Variants in SEPTIN11 observed in about 807,000 individuals in gnomAD.
SEPTIN11 encodes septin 11, also known as septin-11.
SEPTIN11 carries 25 observed loss-of-function variants against 51.4 expected under a neutral mutation model. That is an observed-to-expected ratio of 0.49 (90% CI 0.35 to 0.68). The LOEUF (loss-of-function observed/expected upper bound fraction) is 0.68. Among genes scored for constraint, SEPTIN11 ranks in the 30% least tolerant of loss-of-function variants. The pLI is 0.00. For missense variants in SEPTIN11, 381 were observed against 520.8 expected, an observed-to-expected ratio of 0.73 and a Z score of 2.61; for synonymous variants, 174 against 184.1, an observed-to-expected ratio of 0.95 and a Z score of 0.44.
In SEPTIN11 at chr4:77,019,178, T is replaced by G. The variant is rs1409958373; in HGVS notation, c.701T>G (p.Phe234Cys). The G allele has an allele frequency of 6.2e-7, 1 of 1,613,220 alleles. No individual in the cohort carries two copies. Among genetic ancestry groups the G allele is most frequent in the East Asian group, 2.2e-5 (1 of 44,864 alleles). The change falls in exon 6 of 10, where the codon TTT becomes TGT. Residue 234 changes from phenylalanine (F) to cysteine (C), a missense_variant. By Grantham distance (205) the Phe-to-Cys change is radical. Around this residue, in one of 2 missense-constraint regions of SEPTIN11, gnomAD observed 197 missense variants for 313.1 expected, o/e 0.63. Transcript: ENST00000264893. ...INATMSVHLP[F>C]AVVGSTEEVK... ...TTTGCTTGGCAGGTCCATCTCCCAT[T>G]TGCAGTGGTTGGCAGCACCGAAGAG...
intron 1 of SEPTIN11, among the ~76,000 whole-genome samples, chr4:76,969,083 A>G (rs1228955445): frequency 1.3e-5 from 2 of 152,318 alleles, no homozygotes; most frequent in Non-Finnish European, 2.9e-5. Context: ...CCTTGAAGAA[A>G]AGACTCCCTA....
chr4:76,979,232 G>C (rs1477580708), intron 1 of SEPTIN11, among the ~76,000 whole-genome samples: 1 of 152,230 alleles, frequency 6.6e-6, no homozygotes, highest in Non-Finnish European at 1.5e-5. Context: ...CTAGATGCAA[G>C]ATGTGACCAA....
At chr4:76,967,889 A>C (rs1722094001) in intron 1 of SEPTIN11, among the ~76,000 whole-genome samples, 1 of 152,210 alleles carries the variant, frequency 6.6e-6, no homozygotes, top group Non-Finnish European at 1.5e-5. Context: ...GGTTGAGGAC[A>C]ACATCAACAT....
At chr4:76,960,554 C>T (rs2645687) in intron 1 of SEPTIN11, among the ~76,000 whole-genome samples, 134,644 of 152,242 alleles carry the variant, frequency 0.88, 59,914 homozygotes, top group African/African-American at 0.97. Flanking sequence ...CAAGTCTAAA[C>T]TGGATTTTAT....
intron 2 of SEPTIN11, among the ~76,000 whole-genome samples, chr4:77,001,639 C>T (rs1010813339): frequency 1.3e-5 from 2 of 152,160 alleles, no homozygotes; most frequent in Non-Finnish European, 2.9e-5. Flanking sequence ...CGTGAGCCAC[C>T]GTGCCTGGCC....
At chr4:76,950,311 G>A (rs1721274804) in intron 1 of SEPTIN11, among the ~76,000 whole-genome samples, 1 of 152,208 alleles carries the variant, frequency 6.6e-6, no homozygotes, top group African/African-American at 2.4e-5. Flanking sequence ...AGTCTCCCCC[G>A]CGCCGAGGGG....
intron 1 of SEPTIN11, among the ~76,000 whole-genome samples, chr4:76,955,673 T>C (rs1231985456): frequency 2.0e-5 from 3 of 152,212 alleles, no homozygotes; most frequent in African/African-American, 7.2e-5. Context: ...TTCTTCAGGA[T>C]TCAATAGGAG....
chr4:76,957,254 C>A (rs1560691738), intron 1 of SEPTIN11, among the ~76,000 whole-genome samples: 1 of 152,076 alleles, frequency 6.6e-6, no homozygotes. Flanking sequence ...TCCCTTGGGA[C>A]CTCGGCCCTT....
At chr4:76,972,731 T>C (rs894267992) in intron 1 of SEPTIN11, 1 of 152,238 alleles carries the variant, frequency 6.6e-6, no homozygotes, top group Non-Finnish European at 1.5e-5. Flanking sequence ...TATCCCATTT[T>C]AGTACTCCTT....
intron 1 of SEPTIN11, chr4:76,995,709 C>G (rs1723666585): frequency 7.8e-7 from 1 of 1,286,064 alleles, no homozygotes; most frequent in Non-Finnish European, 1.0e-6. Context: ...CATAAATCAC[C>G]CAGTGATTTT....
intron 1 of SEPTIN11, among the ~76,000 whole-genome samples, chr4:76,990,066 G>A (rs922002416): frequency 6.6e-6 from 1 of 152,076 alleles, no homozygotes; most frequent in East Asian, 1.9e-4. Context: ...GCGGGTTGCC[G>A]CTGCTGGCTT....
At chr4:76,979,909 G>C (rs906587065) in intron 1 of SEPTIN11, among the ~76,000 whole-genome samples, 3 of 152,050 alleles carry the variant, frequency 2.0e-5, no homozygotes, top group African/African-American at 7.2e-5. Flanking sequence ...CTGATGGCTG[G>C]AGTGGAAGGA....
intron 1 of SEPTIN11, among the ~76,000 whole-genome samples, chr4:76,981,069 G>GCC (rs2109915246): frequency 6.6e-6 from 1 of 152,338 alleles, no homozygotes; most frequent in African/African-American, 2.4e-5. Context: ...AGTCTGGGCT[G>GCC]CTGACCCAAA....
chr4:77,035,648 G>A lies in SEPTIN11; in HGVS notation c.*1136G>A. 1.0e-6 allele frequency: 1 copy of A among 985,666 alleles called. No individual in the cohort carries two copies. The highest frequency in any genetic ancestry group is 1.2e-6 in the Non-Finnish European group (1 of 829,904). 61.1% of individuals were successfully genotyped at this position (985,666 alleles called of 1,614,324 possible). A position where few individuals can be genotyped will look rare whatever the true frequency, so the allele number is the denominator to read the frequency against. On this transcript the variant is annotated 3_prime_UTR_variant, in exon 10 of 10. Transcript: ENST00000264893. ...TTTCAGTATTTGGCAATAAAAGAAA[G>A]AAGAAATAGAACAGCTGAAGTCTCA...
chr4:77,038,944 C>T (rs558812026), downstream of SEPTIN11: 61 of 576,678 alleles, frequency 1.1e-4, no homozygotes, highest in Middle Eastern at 6.2e-4. Context: ...CCGTCGAGCT[C>T]GAGGAAGTCA....
At chr4:76,981,682 A>G (rs986845105) in intron 1 of SEPTIN11, among the ~76,000 whole-genome samples, 4 of 152,212 alleles carry the variant, frequency 2.6e-5, no homozygotes, top group African/African-American at 9.6e-5. Context: ...GCTTGATTAG[A>G]ATGGCTGAAC....
At chr4:76,979,000 G>T (rs1722631361) in intron 1 of SEPTIN11, among the ~76,000 whole-genome samples, 1 of 152,160 alleles carries the variant, frequency 6.6e-6, no homozygotes, top group African/African-American at 2.4e-5. Context: ...CTCTATCACT[G>T]CACTGCTGCT....
chr4:77,025,151 A>G (rs1200749317), intron 7 of SEPTIN11, among the ~76,000 whole-genome samples: 1 of 152,224 alleles, frequency 6.6e-6, no homozygotes, highest in Non-Finnish European at 1.5e-5. Flanking sequence ...TCAATCTAAA[A>G]TCTTGTGAAA....
At chr4:76,962,067 C>T (rs1378831619) in intron 1 of SEPTIN11, among the ~76,000 whole-genome samples, 1 of 152,124 alleles carries the variant, frequency 6.6e-6, no homozygotes, top group Non-Finnish European at 1.5e-5. Flanking sequence ...ATTAAATATA[C>T]ATAAGATAAT....
Sources: allele counts gnomAD v4.1 joint callset (sites outside exome capture counted in the v4.1 genomes callset), GRCh38; gene constraint gnomAD v4.1.1; regional missense constraint gnomAD v4.1.1; transcripts MANE v1.5; gene names NCBI Gene and HGNC (gene_info 2026-07-23, HGNC 2026-07-21).